Variants in MYO3B observed in about 807,000 individuals in gnomAD.
The protein encoded by MYO3B is myosin-IIIb.
MYO3B carries 156 observed loss-of-function variants against 174.6 expected under a neutral mutation model. That is an observed-to-expected ratio of 0.89 (90% CI 0.78 to 1.02). The LOEUF (loss-of-function observed/expected upper bound fraction) is 1.02. Ranked by LOEUF, MYO3B falls within the 50% of genes least tolerant of loss-of-function variation. The pLI, the probability that MYO3B is intolerant of heterozygous loss-of-function variation, is 0.00. For synonymous variants in MYO3B, 563 were observed against 569.1 expected (o/e 0.99, Z 0.15); for missense variants, 1,632 against 1,639.4 (o/e 1.00, Z 0.08).
intron 7 of MYO3B, among the ~76,000 whole-genome samples, chr2:170,279,197 G>T (rs896982483): frequency 1.3e-5 from 2 of 152,050 alleles, no homozygotes; most frequent in Admixed American, 6.6e-5. Context: ...GGTTTTCTGA[G>T]AAATCTCTTT....
intron 3 of MYO3B, among the ~76,000 whole-genome samples, chr2:170,204,993 G>A (rs114471433): frequency 6.6e-6 from 1 of 152,166 alleles, no homozygotes; most frequent in Non-Finnish European, 1.5e-5. Context: ...CCCATAGGCT[G>A]CCCTTGAAAA....
At chr2:170,195,849 G>A (rs2092594214) in intron 1 of MYO3B, among the ~76,000 whole-genome samples, 1 of 152,174 alleles carries the variant, frequency 6.6e-6, no homozygotes, top group Admixed American at 6.5e-5. Context: ...TATGAGAGGG[G>A]TCAGGGAACT....
intron 1 of MYO3B, among the ~76,000 whole-genome samples, chr2:170,185,544 T>C (rs1461499169): frequency 6.6e-6 from 1 of 152,206 alleles, no homozygotes; most frequent in Non-Finnish European, 1.5e-5. Flanking sequence ...TTGGTTACTA[T>C]AGCTCTGTAG....
intron 7 of MYO3B, among the ~76,000 whole-genome samples, chr2:170,323,464 T>C (rs1379514396): frequency 6.6e-6 from 1 of 152,226 alleles, no homozygotes; most frequent in East Asian, 1.9e-4. Flanking sequence ...ATATCAGGCC[T>C]GGATTCCCCA....
chr2:170,277,690 A>G (rs1275161374), intron 7 of MYO3B, among the ~76,000 whole-genome samples: 5 of 151,802 alleles, frequency 3.3e-5, no homozygotes, highest in African/African-American at 9.7e-5. Flanking sequence ...TCTGATTATA[A>G]AAGTAATATA....
In MYO3B at chr2:170,391,510, T is replaced by G; in HGVS notation, c.1578-10T>G. The stretch of plus-strand genomic sequence containing the variant: ...GAATATATTATTACTAAAGTCTCTT[T>G]TTTTTTCAGGAGAGAGAAAAATTTT... On this transcript the variant is annotated splice_polypyrimidine_tract_variant and intron_variant, in intron 14 of 34. Transcript: ENST00000408978. 7.5e-7 allele frequency: 1 copy of G among 1,337,376 alleles called. No homozygotes were observed. The highest frequency in any genetic ancestry group is 1.0e-6 in the Non-Finnish European group (1 of 977,176). 82.8% of individuals were successfully genotyped at this position (1,337,376 alleles called of 1,614,324 possible).
In MYO3B at chr2:170,383,742, C is replaced by T; in HGVS notation, c.1218C>T (p.Ala406=). 1.2e-6 allele frequency: 2 copies of T among 1,613,698 alleles called. No homozygotes were observed. The highest frequency in any genetic ancestry group is 1.1e-5 in the South Asian group (1 of 91,068). ...FSRLYHGVKR[A]SNPPHIFASA... is the part of the protein sequence containing the mutation. ...GACTTTATCATGGGGTGAAACGCGC[C>T]TCCAATCCCCCCCACATATTTGCAT... Residue 406 remains alanine, a synonymous_variant, in exon 12 of 35, where the codon GCC becomes GCT. Coordinates refer to ENST00000408978, the MANE Select transcript of MYO3B (RefSeq NM_138995.5).
At position 170,606,852 on chromosome 2, in the gene MYO3B, C is replaced by G. The variant is rs1373392574; in HGVS notation, c.3734-44776C>G. On this transcript the variant is annotated intron_variant, in intron 32 of 34. Coordinates refer to ENST00000408978, the MANE Select transcript of MYO3B (RefSeq NM_138995.5). ...CCTGATCAACATGGAGAAACCGTGTCTCGACAGAAAATACAAAATTAGCCA... is the reference window on the plus strand; with the variant it reads ...CCTGATCAACATGGAGAAACCGTGTGTCGACAGAAAATACAAAATTAGCCA... Among the ~76,000 whole-genome samples the G allele has an allele frequency of 2.0e-5, 3 of 152,068 alleles. No homozygotes were observed. In the East Asian group the frequency reaches 5.8e-4, roughly 29 times the overall value.
intron 6 of MYO3B, among the ~76,000 whole-genome samples, chr2:170,229,606 G>A (rs1287557713): frequency 6.6e-6 from 1 of 152,144 alleles, no homozygotes; most frequent in African/African-American, 2.4e-5. Flanking sequence ...CTATTTGCTT[G>A]AAAACATTGC....
chr2:170,563,088 A>T (rs1190024825), intron 32 of MYO3B, among the ~76,000 whole-genome samples: 1 of 148,336 alleles, frequency 6.7e-6, no homozygotes, highest in Non-Finnish European at 1.5e-5. Context: ...CTACACACAC[A>T]TACACTCTTT....
chr2:170,605,010 A>C (rs1379086130), intron 32 of MYO3B, among the ~76,000 whole-genome samples: 2 of 151,898 alleles, frequency 1.3e-5, no homozygotes, highest in Non-Finnish European at 2.9e-5. Context: ...ATTTTAAAAC[A>C]TTTTTTACTG....
intron 32 of MYO3B, among the ~76,000 whole-genome samples, chr2:170,554,509 A>G (rs1284283711): frequency 1.3e-5 from 2 of 152,236 alleles, no homozygotes; most frequent in African/African-American, 4.8e-5. Context: ...TACAAGCCGC[A>G]GAGGTCACAT....
chr2:170,613,481 A>T (rs939535461), intron 32 of MYO3B, among the ~76,000 whole-genome samples: 7 of 152,234 alleles, frequency 4.6e-5, no homozygotes, highest in Admixed American at 3.3e-4. Flanking sequence ...TAAAAAGCAT[A>T]TTAATGCAGA....
intron 9 of MYO3B, among the ~76,000 whole-genome samples, chr2:170,380,373 A>G (rs533305371): frequency 6.3e-4 from 96 of 152,376 alleles, no homozygotes; most frequent in African/African-American, 2.2e-3. Context: ...TTTTATATCC[A>G]TGACTATATG....
At chr2:170,538,272 G>T (rs965834612) in intron 30 of MYO3B, among the ~76,000 whole-genome samples, 2 of 152,120 alleles carry the variant, frequency 1.3e-5, no homozygotes, top group Non-Finnish European at 2.9e-5. Flanking sequence ...AACTAGAGAG[G>T]GGAAAAGTAT....
At chr2:170,491,153 A>G (rs1377388181) in intron 25 of MYO3B, among the ~76,000 whole-genome samples, 1 of 152,072 alleles carries the variant, frequency 6.6e-6, no homozygotes, top group Non-Finnish European at 1.5e-5. Flanking sequence ...GAGGTCATGT[A>G]TTTGAGACCA....
intron 7 of MYO3B, among the ~76,000 whole-genome samples, chr2:170,283,466 G>T (rs536387750): frequency 6.6e-6 from 1 of 152,094 alleles, no homozygotes; most frequent in Non-Finnish European, 1.5e-5. Context: ...GCAGAAGTTC[G>T]TGTCCTGTAC....
chr2:170,448,485 C>T (rs1219641768), intron 23 of MYO3B, among the ~76,000 whole-genome samples: 1 of 152,108 alleles, frequency 6.6e-6, no homozygotes, highest in Admixed American at 6.5e-5. Flanking sequence ...AGGTATTGAC[C>T]CCTAGGTAAG....
At chr2:170,301,050 A>C (rs1293257709) in intron 7 of MYO3B, among the ~76,000 whole-genome samples, 1 of 152,236 alleles carries the variant, frequency 6.6e-6, no homozygotes, top group Non-Finnish European at 1.5e-5. Context: ...TTGAGAAGGC[A>C]TCCCAGCCCA....
Sources: allele counts gnomAD v4.1 joint callset (sites outside exome capture counted in the v4.1 genomes callset), GRCh38; gene constraint gnomAD v4.1.1; transcripts MANE v1.5; gene names NCBI Gene and HGNC (gene_info 2026-07-23, HGNC 2026-07-21).